The following MYO18B variants were observed in gnomAD, a reference collection of about 807,000 sequenced individuals.
MYO18B encodes the protein myosin XVIIIB, also known as unconventional myosin-XVIIIb.
MYO18B carries 204 observed loss-of-function variants against 273.0 expected under a neutral mutation model. That is an observed-to-expected ratio of 0.75 (90% CI 0.67 to 0.84). The LOEUF is 0.84. Ranked by LOEUF, MYO18B falls within the 40% of genes least tolerant of loss-of-function variation. The pLI, the probability that MYO18B is intolerant of heterozygous loss-of-function variation, is 0.00. For synonymous variants in MYO18B, 1,330 were observed against 1,305.7 expected (o/e 1.02, Z -0.40); for missense variants, 3,212 against 3,287.6 (o/e 0.98, Z 0.56).
chr22:25,803,049 T>C (rs5752215), intron 12 of MYO18B, among the ~76,000 whole-genome samples: 9,938 of 151,354 alleles, frequency 0.066, 561 homozygotes, highest in East Asian at 0.2. Flanking sequence ...GCAAGCTCTG[T>C]GTCCCAGGCT....
chr22:25,989,024 A>G (rs1218711445), intron 39 of MYO18B, among the ~76,000 whole-genome samples: 1 of 152,032 alleles, frequency 6.6e-6, no homozygotes, highest in Non-Finnish European at 1.5e-5. Flanking sequence ...AGGCCCACCC[A>G]TCCCTGAGAC....
intron 33 of MYO18B, among the ~76,000 whole-genome samples, chr22:25,913,851 A>G (rs1478073124): frequency 6.6e-6 from 1 of 152,230 alleles, no homozygotes; most frequent in Non-Finnish European, 1.5e-5. Flanking sequence ...AATAAAAAAT[A>G]TTTTTAATAC....
At chr22:25,794,909 C>G (rs1320099020) in intron 11 of MYO18B, among the ~76,000 whole-genome samples, 1 of 152,230 alleles carries the variant, frequency 6.6e-6, no homozygotes, top group Non-Finnish European at 1.5e-5. Context: ...CAGGCAATCT[C>G]CATCAGAGGT....
chr22:25,960,994 AAGAG>A lies in MYO18B; in HGVS notation c.6156+5638_6156+5641del, dbSNP rs1021770655. Among the ~76,000 whole-genome samples, 9 of 152,174 alleles carry A rather than the reference AAGAG, an allele frequency of 5.9e-5. No individual in the cohort carries two copies. In the Middle Eastern group the frequency reaches 0.01, roughly 173 times the overall value. The stretch of plus-strand genomic sequence containing the variant: ...CAAGACCCCATCTCTATGAAAGAGA[AAGAG>A]AGAGAGAAAGAAAGAAAGAGGAAAG... On this transcript the variant is annotated intron_variant, in intron 39 of 43. Transcript: ENST00000335473.
chr22:25,864,574 G>A (rs1287239349), intron 21 of MYO18B, among the ~76,000 whole-genome samples: 1 of 152,170 alleles, frequency 6.6e-6, no homozygotes, highest in Non-Finnish European at 1.5e-5. Flanking sequence ...CAGCGTTGGA[G>A]GGTGGAGAAA....
At chr22:25,859,997 T>G (rs560448968) in intron 21 of MYO18B, among the ~76,000 whole-genome samples, 1 of 152,308 alleles carries the variant, frequency 6.6e-6, no homozygotes, top group African/African-American at 2.4e-5. Context: ...ATCTATTGTG[T>G]GTTAATTTTG....
At chr22:25,939,998 A>C (rs543340018) in intron 34 of MYO18B, among the ~76,000 whole-genome samples, 1 of 152,316 alleles carries the variant, frequency 6.6e-6, no homozygotes. Context: ...TGTCTGGCAC[A>C]GAGTAACAGC....
Position 25,960,743 on chromosome 22 carries a change from G to A in MYO18B, c.6156+5379G>A, listed in dbSNP as rs143256090. Among the ~76,000 whole-genome samples, 38 of 152,248 alleles carry A rather than the reference G, an allele frequency of 2.5e-4. No homozygotes were observed. The East Asian group carries it at 6.9e-3, about 28-fold the overall frequency. The stretch of plus-strand genomic sequence containing the variant: ...TTAAGCATCATCCCCTCCAGTCTGG[G>A]CTTCTATAGTGACTCCTCACTTGTC... On this transcript the variant is annotated intron_variant, in intron 39 of 43. Transcript: ENST00000335473.
chr22:25,942,614 C>T (rs1369695458), intron 34 of MYO18B, among the ~76,000 whole-genome samples: 1 of 152,236 alleles, frequency 6.6e-6, no homozygotes, highest in Non-Finnish European at 1.5e-5. Flanking sequence ...GAACAAGTCA[C>T]TTCCCCTCTG....
chr22:26,052,827 G>A, the MYO18B span, among the ~76,000 whole-genome samples: 1 of 150,962 alleles, frequency 6.6e-6, no homozygotes, highest in Non-Finnish European at 1.5e-5. Flanking sequence ...TTTTGAGACG[G>A]AGTTTCGCTC....
intron 20 of MYO18B, among the ~76,000 whole-genome samples, chr22:25,849,600 G>T (rs898936389): frequency 2.0e-5 from 3 of 152,146 alleles, no homozygotes; most frequent in South Asian, 4.1e-4. Context: ...TGTGCTAAAG[G>T]TATGTAGTAA....
At chr22:25,909,655 G>A (rs2092117131) in intron 32 of MYO18B, among the ~76,000 whole-genome samples, 1 of 152,202 alleles carries the variant, frequency 6.6e-6, no homozygotes, top group African/African-American at 2.4e-5. Context: ...ATGTGACCCA[G>A]ACTCTCCTGA....
In MYO18B at chr22:25,925,774, G is replaced by A. The variant is rs182433999; in HGVS notation, c.5517+4365G>A. On this transcript the variant is annotated intron_variant, in intron 34 of 43. Coordinates refer to ENST00000335473, the MANE Select transcript of MYO18B (RefSeq NM_032608.7). Reference sequence around the variant, plus strand: ...ACAAAAATTAGCCCGGTGTGGTGGTGCATGACTGTAATCCCAGCTACTCAG... The same window carrying A: ...ACAAAAATTAGCCCGGTGTGGTGGTACATGACTGTAATCCCAGCTACTCAG... Among the ~76,000 whole-genome samples the A allele has an allele frequency of 3.7e-3, 554 of 151,516 alleles. 3 individuals carry two copies. The highest frequency in any genetic ancestry group is 5.8e-3 in the Non-Finnish European group (396 of 67,882).
chr22:25,859,954 T>C (rs2146096935), intron 21 of MYO18B, among the ~76,000 whole-genome samples: 1 of 152,330 alleles, frequency 6.6e-6, no homozygotes, highest in East Asian at 1.9e-4. Context: ...CGCTACAAGA[T>C]TTGTAGTTTT....
At chr22:25,937,505 G>C (rs1220903964) in intron 34 of MYO18B, among the ~76,000 whole-genome samples, 7 of 151,810 alleles carry the variant, frequency 4.6e-5, no homozygotes, top group Non-Finnish European at 1.0e-4. Context: ...CCACCACACT[G>C]TCTTAAGATA....
chr22:25,846,170 G>A lies in MYO18B; in HGVS notation c.3439G>A (p.Glu1147Lys), dbSNP rs1355956400. 2 of 1,611,242 alleles carry A rather than the reference G, an allele frequency of 1.2e-6. No individual in the cohort carries two copies. Among genetic ancestry groups the A allele is most frequent in the Admixed American group, 3.3e-5 (2 of 59,830 alleles). ...PPVCRAVAGL[E>K]GTSQQALQRS... ...TGTGTGCCGGGCTGTGGCAGGCCTG[G>A]AGGGCACCTCCCAGCAGGCCCTGCA... Residue 1147 changes from glutamate to lysine, a missense_variant, in exon 19 of 44, where the codon GAG (glutamate) becomes AAG (lysine). Coordinates refer to ENST00000335473, the MANE Select transcript of MYO18B (RefSeq NM_032608.7).
chr22:26,056,433 G>A, the MYO18B span, among the ~76,000 whole-genome samples: 5 of 152,154 alleles, frequency 3.3e-5, no homozygotes, highest in South Asian at 2.1e-4. Context: ...TAGAACCCAG[G>A]TATCCTCACT....
At chr22:25,921,235 T>A (rs548906662) in intron 33 of MYO18B, 22 bp from the exon 34 acceptor site, 4 of 1,543,738 alleles carry the variant, frequency 2.6e-6, no homozygotes, top group Non-Finnish European at 3.5e-6. Flanking sequence ...CCTAAGCTCA[T>A]GGGTCTCCCT....
chr22:25,968,217 C>T (rs1422133916), intron 39 of MYO18B, among the ~76,000 whole-genome samples: 5 of 152,178 alleles, frequency 3.3e-5, no homozygotes, highest in South Asian at 2.1e-4. Flanking sequence ...TATGCCCACA[C>T]CTAAACCAAG....
Sources: allele counts gnomAD v4.1 joint callset (sites outside exome capture counted in the v4.1 genomes callset), GRCh38; gene constraint gnomAD v4.1.1; transcripts MANE v1.5; gene names NCBI Gene and HGNC (gene_info 2026-07-23, HGNC 2026-07-21).